The following CEP83 variants were observed in gnomAD, a reference collection of about 807,000 sequenced individuals.
CEP83 encodes centrosomal protein of 83 kDa.
CEP83 carries 70 observed loss-of-function variants against 101.9 expected under a neutral mutation model. The ratio of observed to expected loss-of-function variants is 0.69; its 90% CI spans 0.57 to 0.84. The LOEUF (loss-of-function observed/expected upper bound fraction) is 0.84, where lower values mean the gene tolerates loss of function less well. Among genes scored for constraint, CEP83 ranks in the 40% least tolerant of loss-of-function variants. The probability of loss-of-function intolerance (pLI) is 0.00; values close to 1 mark genes in which losing one functional copy is unlikely to be tolerated. For missense variants in CEP83, 715 were observed against 787.2 expected, an observed-to-expected ratio of 0.91 and a Z score of 1.10; for synonymous variants, 264 against 267.9, an observed-to-expected ratio of 0.99 and a Z score of 0.14.
chr12:94,405,261 G>A (rs2063471809), intron 4 of CEP83, among the ~76,000 whole-genome samples: 2 of 152,168 alleles, frequency 1.3e-5, no homozygotes, highest in African/African-American at 2.4e-5. Context: ...CTGAACAAAG[G>A]TGGGATATTA....
At chr12:94,350,709 G>C (rs1242555426) in intron 11 of CEP83, among the ~76,000 whole-genome samples, 1 of 152,062 alleles carries the variant, frequency 6.6e-6, no homozygotes, top group East Asian at 1.9e-4. Flanking sequence ...CAGAATAGGA[G>C]AAAATATTTG....
chr12:94,333,668 A>G (rs761229460), intron 12 of CEP83, 29 bp from the exon 13 acceptor site: 30 of 1,603,802 alleles, frequency 1.9e-5, no homozygotes, highest in Non-Finnish European at 2.4e-5. Context: ...AGATAAATTA[A>G]AGCCCACTAA....
downstream of CEP83, chr12:94,305,411 T>C (rs1370701684): frequency 3.2e-6 from 2 of 625,628 alleles, no homozygotes; most frequent in Admixed American, 2.8e-5. Context: ...GCACTGTCTT[T>C]TTAAGAGACC....
chr12:94,380,631 T>G (rs150903936), intron 6 of CEP83, among the ~76,000 whole-genome samples: 174 of 152,280 alleles, frequency 1.1e-3, no homozygotes, highest in African/African-American at 3.8e-3. Context: ...GGTTTTAATG[T>G]GCTATATTAG....
At chr12:94,367,210 TATC>T (rs1176731794) in intron 11 of CEP83, among the ~76,000 whole-genome samples, 1 of 152,036 alleles carries the variant, frequency 6.6e-6, no homozygotes. Context: ...AGACTTGAAA[TATC>T]ATATGGGCAA....
rs1161481202 is a variant in CEP83 at position 94,343,470 on chromosome 12, C to CTTTTTTTTTTTTTTTTT, written c.1344-7823_1344-7807dup. Among the ~76,000 whole-genome samples, 11 of 84,176 alleles carry CTTTTTTTTTTTTTTTTT rather than the reference C, an allele frequency of 1.3e-4. 1 individual carries two copies. The highest frequency in any genetic ancestry group is 2.6e-4 in the African/African-American group (5 of 19,070). The allele number at this position is 84,176 out of a possible 152,430, so 55.2% of individuals were successfully genotyped here. A position where few individuals can be genotyped will look rare whatever the true frequency, so the allele number is the denominator to read the frequency against. Reference sequence around the variant, plus strand: ...ACAATGCAATAAAGCTAGAAATTAACTTTTTTTTTTTTTTTTTTTTTTTTT... The same window carrying CTTTTTTTTTTTTTTTTT: ...ACAATGCAATAAAGCTAGAAATTAACTTTTTTTTTTTTTTTTTTTTTTTTTTTTTTTTTTTTTTTTTT... On this transcript the variant is annotated intron_variant, in intron 11 of 16. Transcript: ENST00000397809.
At chr12:94,349,857 T>C (rs939909874) in intron 11 of CEP83, among the ~76,000 whole-genome samples, 4 of 152,096 alleles carry the variant, frequency 2.6e-5, no homozygotes, top group Admixed American at 1.3e-4. Flanking sequence ...CTCTATACAC[T>C]AACAATGAAT....
chr12:94,375,130 G>A (rs890478373), intron 8 of CEP83, among the ~76,000 whole-genome samples: 1 of 152,128 alleles, frequency 6.6e-6, no homozygotes, highest in Non-Finnish European at 1.5e-5. Flanking sequence ...ATTGGGTTGA[G>A]GGGAAGGTGG....
At chr12:94,281,573 T>C in the CEP83 span, among the ~76,000 whole-genome samples, 2 of 146,566 alleles carry the variant, frequency 1.4e-5, no homozygotes, top group Non-Finnish European at 3.0e-5. Flanking sequence ...GTTTTTTATA[T>C]GCAACTTAAA....
the CEP83 span, among the ~76,000 whole-genome samples, chr12:94,284,049 C>T: frequency 6.8e-6 from 1 of 146,932 alleles, no homozygotes; most frequent in Admixed American, 7.1e-5. Flanking sequence ...TGCCATGGCA[C>T]TCCAGCCTGT....
intron 1 of CEP83, among the ~76,000 whole-genome samples, chr12:94,457,167 G>C (rs766676862): frequency 1.2e-4 from 19 of 152,238 alleles, no homozygotes; most frequent in Non-Finnish European, 1.9e-4. Flanking sequence ...AAACCAATCT[G>C]GGCAGAGACA....
chr12:94,373,990 TACTCC>T, intron 8 of CEP83, among the ~76,000 whole-genome samples: 1 of 152,340 alleles, frequency 6.6e-6, no homozygotes, highest in African/African-American at 2.4e-5. Flanking sequence ...TGGTATTTAA[TACTCC>T]ATTTATATGC....
rs143750967 is a variant in CEP83, at chr12:94,403,314, T to C, written c.325-52A>G. 5.4e-4 allele frequency: 451 copies of C among 832,290 alleles called. 1 individual carries two copies. In the African/African-American group the frequency reaches 6.7e-3, roughly 12 times the overall value. 51.6% of individuals were successfully genotyped at this position (832,290 alleles called of 1,614,324 possible). ...ATAAAATCACATTAAAATCAAGAAT[T>C]CTCCATATTTCAAAGCCTCTCTCCT... is the stretch of plus-strand genomic sequence containing the variant. On this transcript the variant is annotated intron_variant, in intron 4 of 16. Transcript: ENST00000397809.
chr12:94,449,887 G>A (rs1343983134), intron 1 of CEP83, among the ~76,000 whole-genome samples: 8 of 147,354 alleles, frequency 5.4e-5, no homozygotes, highest in African/African-American at 1.8e-4. Flanking sequence ...TTAATATATA[G>A]CATACTAACA....
At chr12:94,326,222 A>G (rs1366180835) in intron 14 of CEP83, among the ~76,000 whole-genome samples, 1 of 152,134 alleles carries the variant, frequency 6.6e-6, no homozygotes, top group Non-Finnish European at 1.5e-5. Context: ...GCTCTGCACC[A>G]CAATCCCCGA....
chr12:94,277,735 G>A, the CEP83 span: 3 of 348,254 alleles, frequency 8.6e-6, no homozygotes, highest in African/African-American at 6.4e-5. Context: ...TTGCAAATGA[G>A]TGGATACTAA....
At chr12:94,324,172 T>C (rs2058868434) in intron 14 of CEP83, among the ~76,000 whole-genome samples, 1 of 152,234 alleles carries the variant, frequency 6.6e-6, no homozygotes, top group Non-Finnish European at 1.5e-5. Context: ...TGTTTCCTCC[T>C]TTTCTATCAT....
At chr12:94,349,641 T>C (rs1171294708) in intron 11 of CEP83, among the ~76,000 whole-genome samples, 2 of 152,242 alleles carry the variant, frequency 1.3e-5, no homozygotes, top group East Asian at 1.9e-4. Context: ...AAGCCATATA[T>C]GAAAAAGCCA....
At chr12:94,335,711 C>T (rs1480382890) in intron 11 of CEP83, 47 bp from the exon 12 acceptor site, 1 of 1,228,644 alleles carries the variant, frequency 8.1e-7, no homozygotes. Flanking sequence ...ATCCATGATT[C>T]ATTTATTTCA....
Sources: allele counts gnomAD v4.1 joint callset (sites outside exome capture counted in the v4.1 genomes callset), GRCh38; gene constraint gnomAD v4.1.1; transcripts MANE v1.5; gene names NCBI Gene and HGNC (gene_info 2026-07-23, HGNC 2026-07-21).